Variants in ASAH1 observed in about 807,000 individuals in gnomAD.
ASAH1 encodes acid ceramidase.
A neutral mutation model predicts 59.5 loss-of-function variants in ASAH1; 70 were observed. The observed-to-expected ratio is 1.18, with a 90% CI of 0.97 to 1.43. ASAH1 has a LOEUF of 1.43. Among genes scored for constraint, ASAH1 ranks in the 40% most tolerant of loss-of-function variants. The probability of loss-of-function intolerance (pLI) is 0.00; values close to 1 mark genes in which losing one functional copy is unlikely to be tolerated. For synonymous variants in ASAH1, 213 were observed against 166.5 expected (o/e 1.28, Z -2.15); for missense variants, 660 against 482.5 (o/e 1.37, Z -3.45).
chr8:18,059,942 C>T (rs1038612490), intron 10 of ASAH1: 2 of 426,448 alleles, frequency 4.7e-6, no homozygotes, highest in South Asian at 4.5e-5. Flanking sequence ...CACCCCACCC[C>T]CTGACAGGCC....
chr8:18,059,103 T>G, intron 12 of ASAH1: 1 of 704,864 alleles, frequency 1.4e-6, no homozygotes, highest in Non-Finnish European at 2.3e-6. Context: ...TTTAAATTCT[T>G]GCCTGTTTGT....
chr8:18,058,158 T>C (rs566832501), intron 13 of ASAH1: 1 of 153,554 alleles, frequency 6.5e-6, no homozygotes, highest in South Asian at 2.1e-4. Flanking sequence ...AAAGATGGTA[T>C]AGGCAAAACG....
At chr8:18,059,084 T>C in intron 12 of ASAH1, 193 bp from the exon 13 acceptor site, 1 of 580,316 alleles carries the variant, frequency 1.7e-6, no homozygotes, top group Non-Finnish European at 2.8e-6. Flanking sequence ...CTCTCTCTCC[T>C]TCCCCTTTTT....
At chr8:18,074,838 C>T (rs1008626653) in intron 2 of ASAH1, among the ~76,000 whole-genome samples, 3 of 152,290 alleles carry the variant, frequency 2.0e-5, no homozygotes, top group East Asian at 1.9e-4. Flanking sequence ...GAACGTTTCA[C>T]ATATGAGGGC....
chr8:18,081,110 T>C (rs1800633332), intron 1 of ASAH1, among the ~76,000 whole-genome samples: 1 of 151,908 alleles, frequency 6.6e-6, no homozygotes, highest in African/African-American at 2.4e-5. Context: ...ATGAAAACGA[T>C]CCTCATTCTT....
chr8:18,084,818 C>T (rs1377815749), upstream of ASAH1: 8 of 1,612,454 alleles, frequency 5.0e-6, no homozygotes, highest in East Asian at 8.9e-5. Context: ...GCTGTGTTTC[C>T]TCCTAACTGG....
chr8:18,076,121 A>T (rs911190777), intron 1 of ASAH1: 1 of 164,952 alleles, frequency 6.1e-6, no homozygotes, highest in African/African-American at 2.4e-5. Context: ...ATCATCTCTC[A>T]CCCTTCCATG....
chr8:18,084,365 C>G (rs1800804113), upstream of ASAH1: 6 of 1,406,554 alleles, frequency 4.3e-6, no homozygotes, highest in South Asian at 7.6e-5. Context: ...ATAGTCGGAC[C>G]GAGCCGGAGC....
chr8:18,075,145 G>A (rs575600956), intron 2 of ASAH1, among the ~76,000 whole-genome samples: 3 of 151,530 alleles, frequency 2.0e-5, no homozygotes, highest in East Asian at 1.9e-4. Context: ...ACAGGCGCCC[G>A]CCACCACGCC....
At chr8:18,067,139 C>G in intron 5 of ASAH1, 81 bp downstream of exon 5, 1 of 1,126,484 alleles carries the variant, frequency 8.9e-7, no homozygotes, top group Non-Finnish European at 1.3e-6. Flanking sequence ...AGCACCTGTG[C>G]TGTATGTATA....
chr8:18,061,986 C>G, intron 8 of ASAH1: 1 of 620,546 alleles, frequency 1.6e-6, no homozygotes, highest in Non-Finnish European at 2.8e-6. Context: ...AGAGAATGAA[C>G]GCCTGACTTG....
At chr8:18,083,709 A>C (rs1474910968) in intron 1 of ASAH1, among the ~76,000 whole-genome samples, 3 of 152,254 alleles carry the variant, frequency 2.0e-5, no homozygotes, top group Non-Finnish European at 2.9e-5. Context: ...CACTCACTCA[A>C]ATCTAAGAAT....
Position 18,084,103 on chromosome 8 carries a change from A to T in ASAH1, c.-45T>A, listed in dbSNP as rs750566941. On this transcript the variant is annotated 5_prime_UTR_variant, in exon 1 of 14. Coordinates refer to ENST00000637790, the MANE Select transcript of ASAH1 (RefSeq NM_177924.5). ...ACTCCCCGGACTCCAGCAGAGGCAA[A>T]GAAGAGCCGGCTGGGCCGGGGGCAG... 6.3e-7 allele frequency: 1 copy of T among 1,595,134 alleles called. No homozygotes were observed. Among genetic ancestry groups the T allele is most frequent in the Non-Finnish European group, 8.5e-7 (1 of 1,178,368 alleles).
Position 18,059,421 on chromosome 8 carries a change from A to G in ASAH1, c.961T>C (p.Tyr321His), listed in dbSNP as rs752619508. 1.2e-6 allele frequency: 2 copies of G among 1,614,194 alleles called. No homozygotes were observed. The highest frequency in any genetic ancestry group is 1.1e-5 in the South Asian group (1 of 91,088). Residue 321 changes from tyrosine (Y) to histidine (H), a missense_variant, in exon 12 of 14, where the codon TAT becomes CAT. Tyr to His is a moderately conservative substitution (Grantham distance 83, BLOSUM62 2). Transcript: ENST00000637790. ...QGRWYVVQTN[Y>H]DRWKHPFFLD... is the part of the protein sequence containing the mutation. ...AAGAAGGGATGTTTCCAACGGTCAT[A>G]ATTTGTTTGTACCACATACCATCTA...
intron 4 of ASAH1, chr8:18,068,019 A>G (rs769360178): frequency 6.6e-6 from 1 of 152,124 alleles, no homozygotes; most frequent in East Asian, 1.9e-4. Flanking sequence ...CTCCCTAGGA[A>G]CTCAAAGCAT....
Position 18,067,280 on chromosome 8 carries a change from A to C in ASAH1, c.322T>G (p.Phe108Val), listed in dbSNP as rs749375057. The C allele has an allele frequency of 6.2e-7, 1 of 1,600,700 alleles. No individual in the cohort carries two copies. Among genetic ancestry groups the C allele is most frequent in the Admixed American group, 1.7e-5 (1 of 59,372 alleles). Residue 108 changes from phenylalanine to valine, a missense_variant, in exon 5 of 14, where the codon TTT becomes GTT. By Grantham distance (50) the Phe-to-Val change is conservative. Coordinates refer to ENST00000637790, the MANE Select transcript of ASAH1 (RefSeq NM_177924.5). Reference protein sequence around the residue: ...DEKLPGLLGNFPGPFEEEMKG... With the variant: ...DEKLPGLLGNVPGPFEEEMKG... ...ATTTCCTCTTCAAAAGGGCCAGGAA[A>C]GTTGCCAAGTAGGCCAGGCTGGAAA...
At chr8:18,057,703 T>C (rs1264436252) in intron 13 of ASAH1, 80 bp from the exon 14 acceptor site, 12 of 940,506 alleles carry the variant, frequency 1.3e-5, no homozygotes, top group African/African-American at 1.7e-5. Context: ...TCTATACTTG[T>C]AGAATTTGCT....
rs1423084795 is a variant in ASAH1, at chr8:18,061,478, T to C, written c.704-20A>G. On this transcript the variant is annotated intron_variant, in intron 9 of 13. Transcript: ENST00000637790. ...GAATACCTGGAAGAGATGAACACAA[T>C]GTCAGGAACCGGAAGAGGTGACACT... 1.9e-6 allele frequency: 3 copies of C among 1,593,702 alleles called. No homozygotes were observed. The highest frequency in any genetic ancestry group is 1.7e-5 in the Admixed American group (1 of 59,992).
intron 9 of ASAH1, 104 bp downstream of exon 9, chr8:18,061,582 T>C (rs1000438746): frequency 2.1e-6 from 3 of 1,461,722 alleles, no homozygotes; most frequent in Non-Finnish European, 2.9e-6. Context: ...TTGTAACCAG[T>C]CGGGAACCGG....
Sources: gnomAD v4.1 joint callset for allele counts (sites outside exome capture counted in the v4.1 genomes callset) on GRCh38, gnomAD v4.1.1 for gene constraint, MANE v1.5 for transcripts, NCBI Gene and HGNC (gene_info 2026-07-23, HGNC 2026-07-21) for gene names.